SAP25: variants seen among roughly 807,000 people sequenced by gnomAD.
SAP25 encodes the protein histone deacetylase complex subunit SAP25.
Under a neutral mutation model 31.5 loss-of-function variants are expected in SAP25, and 24 were observed. The observed-to-expected ratio is 0.76, with a 90% CI of 0.55 to 1.07. The LOEUF (loss-of-function observed/expected upper bound fraction) is 1.07. Among genes scored for constraint, SAP25 ranks in the 50% least tolerant of loss-of-function variants. The pLI is 0.00. For synonymous variants in SAP25, 180 were observed against 186.0 expected (o/e 0.97, Z 0.26); for missense variants, 377 against 418.8 (o/e 0.90, Z 0.87).
Position 100,573,710 on chromosome 7 carries a change from C to T in SAP25, c.33G>A (p.Ala11=), listed in dbSNP as rs540465104. Residue 11 remains alanine, a synonymous_variant, in exon 1 of 6, where the codon GCG becomes GCA. Transcript: ENST00000622764. Reference sequence around the variant, plus strand: ...GTCCCTCGGGCGCCTCCTCCGGGCCCGCGCCCCACCGCGGCGGCGACCAGG... The same window carrying T: ...GTCCCTCGGGCGCCTCCTCCGGGCCTGCGCCCCACCGCGGCGGCGACCAGG... The part of the protein sequence containing the change: MLPWSPPRWG[A]GPEEAPEGPG... 9.6e-5 allele frequency: 118 copies of T among 1,226,190 alleles called. No individual in the cohort carries two copies. Among genetic ancestry groups the T allele is most frequent in the Non-Finnish European group, 1.1e-4 (109 of 984,358 alleles). 76.0% of individuals were successfully genotyped at this position (1,226,190 alleles called of 1,614,324 possible). A position where few individuals can be genotyped will look rare whatever the true frequency, so the allele number is the denominator to read the frequency against.
chr7:100,573,788 C>T lies in SAP25; in HGVS notation c.-46G>A, dbSNP rs902514505. ...ACGGTACCGCCGTGTCCCCGCCGCC[C>T]GGCCCGGCCCTCTCAGCCTCCCTCC... On this transcript the variant is annotated 5_prime_UTR_variant, in exon 1 of 6. Transcript: ENST00000622764. The T allele has an allele frequency of 1.4e-5, 17 of 1,175,968 alleles. No individual in the cohort carries two copies. In the African/African-American group the frequency reaches 2.6e-4, roughly 18 times the overall value. The allele number at this position is 1,175,968 out of a possible 1,614,324, so 72.8% of individuals were successfully genotyped here. A position where few individuals can be genotyped will look rare whatever the true frequency, so the allele number is the denominator to read the frequency against.
chr7:100,573,767 T>G lies in SAP25; in HGVS notation c.-25A>C. On this transcript the variant is annotated 5_prime_UTR_variant, in exon 1 of 6. Transcript: ENST00000622764. The stretch of plus-strand genomic sequence containing the variant: ...TTCCGCGTTCCCGAGCGCAGGACGG[T>G]ACCGCCGTGTCCCCGCCGCCCGGCC... The G allele has an allele frequency of 3.3e-6, 4 of 1,199,074 alleles. No individual in the cohort carries two copies. Among genetic ancestry groups the G allele is most frequent in the Non-Finnish European group, 3.1e-6 (3 of 967,188 alleles). The allele number at this position is 1,199,074 out of a possible 1,614,324, so 74.3% of individuals were successfully genotyped here.
Position 100,572,355 on chromosome 7 carries a change from C to G in SAP25, c.826G>C (p.Gly276Arg). 1 of 1,372,022 alleles carries G rather than the reference C, an allele frequency of 7.3e-7. No individual in the cohort carries two copies. Among genetic ancestry groups the G allele is most frequent in the Non-Finnish European group, 9.4e-7 (1 of 1,065,646 alleles). 85.0% of individuals were successfully genotyped at this position (1,372,022 alleles called of 1,614,324 possible). A position where few individuals can be genotyped will look rare whatever the true frequency, so the allele number is the denominator to read the frequency against. Reference sequence around the variant, plus strand: ...GCACCCTGAGAACTGCTGGGGCTACCACAGGGGCTGGGTGGGTCAGAGGTA... The same window carrying G: ...GCACCCTGAGAACTGCTGGGGCTACGACAGGGGCTGGGTGGGTCAGAGGTA... ...DHTSDPPSPC[G>R]SPSSSQGADL... Residue 276 changes from glycine to arginine, a missense_variant, in exon 6 of 6, where the codon GGT becomes CGT. Coordinates refer to ENST00000622764, the MANE Select transcript of SAP25 (RefSeq NM_001348680.2). This position sits in a 1 kb window ranked among gnomAD's most constrained non-coding sequence, Gnocchi z 4.1.
intron 1 of SAP25, 37 bp downstream of exon 1, chr7:100,573,560 G>A (rs1467623710): frequency 3.2e-6 from 4 of 1,234,030 alleles, no homozygotes; most frequent in Non-Finnish European, 4.0e-6. Context: ...GAGGCCCCCA[G>A]TCGCTGTCCC....
In SAP25 at chr7:100,572,622, G is replaced by A. The variant is rs1013342689; in HGVS notation, c.609+32C>T. 6.6e-7 allele frequency: 1 copy of A among 1,511,058 alleles called. No homozygotes were observed. The highest frequency in any genetic ancestry group is 1.4e-5 in the African/African-American group (1 of 71,220). The allele number at this position is 1,511,058 out of a possible 1,614,324, so 93.6% of individuals were successfully genotyped here. A position where few individuals can be genotyped will look rare whatever the true frequency, so the allele number is the denominator to read the frequency against. ...TCCTGCCAGGCAAGCCTGGAGGCTGGGGTAAGGACAGGGAGGGGAAAGAGC... is the reference window on the plus strand; with the variant it reads ...TCCTGCCAGGCAAGCCTGGAGGCTGAGGTAAGGACAGGGAGGGGAAAGAGC... On this transcript the variant is annotated intron_variant, in intron 5 of 5. Transcript: ENST00000622764. The surrounding 1 kb of genome is among the most constrained non-coding windows in gnomAD (Gnocchi z 4.1).
Position 100,572,248 on chromosome 7 carries a change from T to C in SAP25, c.*39A>G. On this transcript the variant is annotated 3_prime_UTR_variant, in exon 6 of 6. Transcript: ENST00000622764. This position sits in a 1 kb window ranked among gnomAD's most constrained non-coding sequence, Gnocchi z 4.1. ...GCCTGTTTTGCAAACCAACACTGTT[T>C]TATTGTCAACACAACCAGCCCACTC... 7.1e-6 allele frequency: 9 copies of C among 1,259,348 alleles called. No homozygotes were observed. Among genetic ancestry groups the C allele is most frequent in the Non-Finnish European group, 9.0e-6 (9 of 1,002,356 alleles). 78.0% of individuals were successfully genotyped at this position (1,259,348 alleles called of 1,614,324 possible).
At position 100,572,414 on chromosome 7, in the gene SAP25, C is replaced by T. The variant is rs781360167; in HGVS notation, c.767G>A (p.Arg256Lys). The T allele has an allele frequency of 4.3e-6, 6 of 1,411,432 alleles. No individual in the cohort carries two copies. The highest frequency in any genetic ancestry group is 5.5e-6 in the Non-Finnish European group (6 of 1,086,184). The allele number at this position is 1,411,432 out of a possible 1,614,324, so 87.4% of individuals were successfully genotyped here. ...GGGGCCAACCGCGGAGGAGCTGGGCCTAGGCTCCCCCTGGCTCATCTGCAG... is the reference window on the plus strand; with the variant it reads ...GGGGCCAACCGCGGAGGAGCTGGGCTTAGGCTCCCCCTGGCTCATCTGCAG... ...GLLQMSQGEP[R>K]PSSSAVGPPD... Residue 256 changes from arginine (R) to lysine (K), a missense_variant, in exon 6 of 6, where the codon AGG becomes AAG. Coordinates refer to ENST00000622764, the MANE Select transcript of SAP25 (RefSeq NM_001348680.2). The surrounding 1 kb of genome is among the most constrained non-coding windows in gnomAD (Gnocchi z 4.1).
chr7:100,573,756 G>A lies in SAP25; in HGVS notation c.-14C>T. ...CCAGGGCAACATTCCGCGTTCCCGA[G>A]CGCAGGACGGTACCGCCGTGTCCCC... On this transcript the variant is annotated 5_prime_UTR_variant, in exon 1 of 6. Transcript: ENST00000622764. 8.3e-7 allele frequency: 1 copy of A among 1,209,380 alleles called. No homozygotes were observed. The highest frequency in any genetic ancestry group is 1.0e-6 in the Non-Finnish European group (1 of 973,642). The allele number at this position is 1,209,380 out of a possible 1,614,324, so 74.9% of individuals were successfully genotyped here. A position where few individuals can be genotyped will look rare whatever the true frequency, so the allele number is the denominator to read the frequency against.
Position 100,572,267 on chromosome 7 carries a change from C to T in SAP25, c.*20G>A. On this transcript the variant is annotated 3_prime_UTR_variant, in exon 6 of 6. Coordinates refer to ENST00000622764, the MANE Select transcript of SAP25 (RefSeq NM_001348680.2). This position sits in a 1 kb window ranked among gnomAD's most constrained non-coding sequence, Gnocchi z 4.1. ...ACTGTTTTATTGTCAACACAACCAG[C>T]CCACTCTGCCCTGAGAAGGCTATGG... 7.9e-7 allele frequency: 1 copy of T among 1,269,784 alleles called. No individual in the cohort carries two copies. The highest frequency in any genetic ancestry group is 9.9e-7 in the Non-Finnish European group (1 of 1,008,746). 78.7% of individuals were successfully genotyped at this position (1,269,784 alleles called of 1,614,324 possible).
Position 100,573,197 on chromosome 7 carries a change from T to G in SAP25, c.266A>C (p.Gln89Pro), listed in dbSNP as rs1302983570. 2.6e-6 allele frequency: 4 copies of G among 1,520,860 alleles called. No individual in the cohort carries two copies. In the East Asian group the frequency reaches 9.8e-5, roughly 37 times the overall value. 94.2% of individuals were successfully genotyped at this position (1,520,860 alleles called of 1,614,324 possible). A position where few individuals can be genotyped will look rare whatever the true frequency, so the allele number is the denominator to read the frequency against. Residue 89 changes from glutamine (Q) to proline (P), a missense_variant, in exon 3 of 6, where the codon CAG becomes CCG. Coordinates refer to ENST00000622764, the MANE Select transcript of SAP25 (RefSeq NM_001348680.2). ...CGAGGGGGCCACCTCCCAGGCCACC[T>G]GGGGGGAACGGGGATCTGGGGGGAC... The part of the protein sequence containing the change: ...PPGAPDPRSP[Q>P]VAWEVAPSRM...
At position 100,573,730 on chromosome 7, in the gene SAP25, A is replaced by G. The variant is rs975268049; in HGVS notation, c.13T>C (p.Ser5Pro). MLPW[S>P]PPRWGAGPEE... Reference sequence around the variant, plus strand: ...GGGCCCGCGCCCCACCGCGGCGGCGACCAGGGCAACATTCCGCGTTCCCGA... The same window carrying G: ...GGGCCCGCGCCCCACCGCGGCGGCGGCCAGGGCAACATTCCGCGTTCCCGA... Residue 5 changes from serine (S) to proline (P), a missense_variant, in exon 1 of 6, where the codon TCG becomes CCG. Ser to Pro is a moderately conservative substitution (Grantham distance 74). Coordinates refer to ENST00000622764, the MANE Select transcript of SAP25 (RefSeq NM_001348680.2). 160 of 1,221,466 alleles carry G rather than the reference A, an allele frequency of 1.3e-4. 1 individual carries two copies. The Admixed American group carries it at 2.7e-3, about 21-fold the overall frequency. 75.7% of individuals were successfully genotyped at this position (1,221,466 alleles called of 1,614,324 possible). A position where few individuals can be genotyped will look rare whatever the true frequency, so the allele number is the denominator to read the frequency against.
Position 100,572,984 on chromosome 7 carries a change from G to C in SAP25, c.387C>G (p.Phe129Leu). The C allele has an allele frequency of 6.7e-7, 1 of 1,502,572 alleles. No homozygotes were observed. The allele number at this position is 1,502,572 out of a possible 1,614,324, so 93.1% of individuals were successfully genotyped here. The part of the protein sequence containing the change: ...WGANCSSGAS[F>L]SGRTLCHPSF... ...AGGGGTGACACAGCGTCCGGCCTGA[G>C]AACGAGGCTCCTGAGCTACAGTTGG... is the stretch of plus-strand genomic sequence containing the variant. Residue 129 changes from phenylalanine to leucine, a missense_variant, in exon 4 of 6, where the codon TTC (phenylalanine) becomes TTG (leucine). By Grantham distance (22) the Phe-to-Leu change is conservative. Coordinates refer to ENST00000622764, the MANE Select transcript of SAP25 (RefSeq NM_001348680.2). The surrounding 1 kb of genome is among the most constrained non-coding windows in gnomAD (Gnocchi z 4.1).
At position 100,572,759 on chromosome 7, in the gene SAP25, G is replaced by A. The variant is rs1801178267; in HGVS notation, c.512-8C>T. On this transcript the variant is annotated splice_polypyrimidine_tract_variant and splice_region_variant and intron_variant, in intron 4 of 5. Transcript: ENST00000622764. The surrounding 1 kb of genome is among the most constrained non-coding windows in gnomAD (Gnocchi z 4.1). ...AGCACACCACCGGGAACCCTAGGAG[G>A]AAACACCACTAGGGTGGCGGGCTGC... 2.0e-6 allele frequency: 3 copies of A among 1,529,828 alleles called. No homozygotes were observed. Among genetic ancestry groups the A allele is most frequent in the South Asian group, 2.4e-5 (2 of 83,870 alleles). 94.8% of individuals were successfully genotyped at this position (1,529,828 alleles called of 1,614,324 possible).
intron 2 of SAP25, 34 bp downstream of exon 2, chr7:100,573,263 T>C (rs1801203518): frequency 7.0e-7 from 1 of 1,434,318 alleles, no homozygotes; most frequent in African/African-American, 1.4e-5. Flanking sequence ...TGAGAGGCTC[T>C]TAGGGGTAGT....
chr7:100,573,331 T>G lies in SAP25; in HGVS notation c.216A>C (p.Pro72=). The change falls in exon 2 of 6, where the codon CCA becomes CCC. Residue 72 remains proline, a synonymous_variant. Coordinates refer to ENST00000622764, the MANE Select transcript of SAP25 (RefSeq NM_001348680.2). ...REQLLLPHHL[P]GPATEQPPGA... ...CGGGGGGCTGCTCAGTGGCCGGGCC[T>G]GGCAGGTGGTGGGGCAGCAGCAGCT... 1 of 1,380,416 alleles carries G rather than the reference T, an allele frequency of 7.2e-7. No homozygotes were observed. The highest frequency in any genetic ancestry group is 2.6e-5 in the East Asian group (1 of 37,820). 85.5% of individuals were successfully genotyped at this position (1,380,416 alleles called of 1,614,324 possible).
At chr7:100,573,446 C>T in intron 1 of SAP25, 46 bp from the exon 2 acceptor site, 2 of 1,248,640 alleles carry the variant, frequency 1.6e-6, no homozygotes, top group East Asian at 5.7e-5. Context: ...CCCCCACGCA[C>T]CCTCCCCTGG....
At chr7:100,573,237 A>G in intron 2 of SAP25, 25 bp from the exon 3 acceptor site, 1 of 1,454,658 alleles carries the variant, frequency 6.9e-7, no homozygotes, top group Non-Finnish European at 9.2e-7. Context: ...GGGGATTATA[A>G]CAGGCTCACA....
Position 100,573,377 on chromosome 7 carries a change from G to T in SAP25, c.170C>A (p.Pro57His). 1 of 1,370,238 alleles carries T rather than the reference G, an allele frequency of 7.3e-7. No homozygotes were observed. Among genetic ancestry groups the T allele is most frequent in the Non-Finnish European group, 9.4e-7 (1 of 1,060,470 alleles). 84.9% of individuals were successfully genotyped at this position (1,370,238 alleles called of 1,614,324 possible). A position where few individuals can be genotyped will look rare whatever the true frequency, so the allele number is the denominator to read the frequency against. ...WDSPQPPSRS[P>H]SWIWREQLLL... ...CAGCTGCTCTCTCCAGATCCAGGAA[G>T]GGCTACGGGATGGGGGCTGTGGGCT... The change falls in exon 2 of 6, where the codon CCT becomes CAT. Residue 57 changes from proline (P) to histidine (H), a missense_variant. Physicochemically the swap from Pro to His is moderately conservative, Grantham distance 77 (BLOSUM62 -2). Transcript: ENST00000622764.
chr7:100,572,979 C>A lies in SAP25; in HGVS notation c.392G>T (p.Gly131Val). Residue 131 changes from glycine (G) to valine (V), a missense_variant, in exon 4 of 6, where the codon GGC becomes GTC. Coordinates refer to ENST00000622764, the MANE Select transcript of SAP25 (RefSeq NM_001348680.2). This position sits in a 1 kb window ranked among gnomAD's most constrained non-coding sequence, Gnocchi z 4.1. ...ANCSSGASFS[G>V]RTLCHPSFWP... is the part of the protein sequence containing the mutation. ...GAATGAGGGGTGACACAGCGTCCGG[C>A]CTGAGAACGAGGCTCCTGAGCTACA... The A allele has an allele frequency of 6.6e-7, 1 of 1,505,372 alleles. No homozygotes were observed. The highest frequency in any genetic ancestry group is 1.2e-5 in the South Asian group (1 of 80,304). 93.3% of individuals were successfully genotyped at this position (1,505,372 alleles called of 1,614,324 possible).
Sources: allele counts gnomAD v4.1 joint callset, GRCh38; gene constraint gnomAD v4.1.1; non-coding constraint Gnocchi (gnomAD v3.1); transcripts MANE v1.5; gene names NCBI Gene and HGNC (gene_info 2026-07-23, HGNC 2026-07-21).